Variants in CBL observed in about 807,000 individuals in gnomAD.
The protein encoded by CBL is Cbl proto-oncogene.
CBL carries 45 observed loss-of-function variants against 96.9 expected under a neutral mutation model. That is an observed-to-expected ratio of 0.46 (90% CI 0.37 to 0.60). CBL has a LOEUF of 0.60. Among genes scored for constraint, CBL ranks in the 20% least tolerant of loss-of-function variants. The pLI is 0.00. For missense variants in CBL, 1,024 were observed against 1,143.5 expected (o/e 0.90, Z 1.51); for synonymous variants, 420 against 426.8 (o/e 0.98, Z 0.20).
chr11:119,232,269 CA>C (rs1949508769), intron 1 of CBL, among the ~76,000 whole-genome samples, 178 bp from the exon 2 acceptor site: 1 of 152,074 alleles, frequency 6.6e-6, no homozygotes, highest in South Asian at 2.1e-4. Flanking sequence ...TCTGGGGGAC[CA>C]CTAAAAATTT....
chr11:119,236,793 A>G (rs186525503), intron 2 of CBL, among the ~76,000 whole-genome samples: 6 of 152,136 alleles, frequency 3.9e-5, no homozygotes, highest in East Asian at 1.9e-4. Context: ...CAGCTATTCT[A>G]CTAGGGGTAA....
At chr11:119,281,134 G>A (rs562643674) in intron 9 of CBL, among the ~76,000 whole-genome samples, 65 of 152,166 alleles carry the variant, frequency 4.3e-4, no homozygotes, top group African/African-American at 1.4e-3. Context: ...TCTGTGTTCC[G>A]CTCCAGTCTG....
chr11:119,237,335 T>C (rs1949553572), intron 2 of CBL, among the ~76,000 whole-genome samples: 2 of 152,224 alleles, frequency 1.3e-5, no homozygotes, highest in African/African-American at 4.8e-5. Context: ...GATACATGAT[T>C]TGCAAAACTT....
chr11:119,276,189 A>C (rs1252164405), intron 6 of CBL, 55 bp downstream of exon 6: 22 of 1,545,286 alleles, frequency 1.4e-5, no homozygotes, highest in Non-Finnish European at 2.0e-5. Context: ...GGGCTGTCCA[A>C]CCTCATCATT....
chr11:119,209,602 G>A (rs1342736950), intron 1 of CBL, among the ~76,000 whole-genome samples: 2 of 151,508 alleles, frequency 1.3e-5, no homozygotes, highest in East Asian at 3.9e-4. Flanking sequence ...GAGCGACAGA[G>A]TGAGACTCCG....
chr11:119,287,277 G>A (rs1033643505), intron 11 of CBL, among the ~76,000 whole-genome samples: 14 of 152,336 alleles, frequency 9.2e-5, no homozygotes, highest in Non-Finnish European at 1.5e-4. Flanking sequence ...CACTGCATGC[G>A]CGTAAAAACG....
At chr11:119,293,455 T>C (rs1218904704) in intron 12 of CBL, among the ~76,000 whole-genome samples, 1 of 152,100 alleles carries the variant, frequency 6.6e-6, no homozygotes, top group Non-Finnish European at 1.5e-5. Context: ...TTAATGGCCA[T>C]ACGTAACTCC....
chr11:119,219,837 C>T (rs1289874658), intron 1 of CBL, among the ~76,000 whole-genome samples: 4 of 146,902 alleles, frequency 2.7e-5, no homozygotes, highest in African/African-American at 5.1e-5. Context: ...GTGGGCACCA[C>T]CACGCCCGAC....
chr11:119,279,400 ACTC>A (rs1305867807), intron 9 of CBL, among the ~76,000 whole-genome samples: 2 of 151,462 alleles, frequency 1.3e-5, no homozygotes, highest in East Asian at 3.9e-4. Flanking sequence ...AGTTCTAACT[ACTC>A]TGGAGGCCAA....
chr11:119,300,003 T>G lies in CBL; in HGVS notation c.*222T>G, dbSNP rs1950090956. The G allele has an allele frequency of 6.5e-6, 4 of 613,136 alleles. 1 individual carries two copies. The Admixed American group carries it at 1.1e-4, about 17-fold the overall frequency. 38.0% of individuals were successfully genotyped at this position (613,136 alleles called of 1,614,324 possible). A position where few individuals can be genotyped will look rare whatever the true frequency, so the allele number is the denominator to read the frequency against. ...TGGGTCTTGAGTGCATTTGAAGGTGTCCTTCAGTTCCCACGTAGAGAGAGT... is the reference window on the plus strand; with the variant it reads ...TGGGTCTTGAGTGCATTTGAAGGTGGCCTTCAGTTCCCACGTAGAGAGAGT... On this transcript the variant is annotated 3_prime_UTR_variant, in exon 16 of 16. Transcript: ENST00000264033.
Position 119,298,390 on chromosome 11 carries a change from A to G in CBL, c.2284A>G (p.Thr762Ala). Reference protein sequence around the residue: ...EGNLAAAHANTGPEESENEDD... With the variant: ...EGNLAAAHANAGPEESENEDD... The stretch of plus-strand genomic sequence containing the variant: ...GAATTTGGCCGCAGCCCATGCCAAC[A>G]CTGGTCCCGAGGAGTCAGAAAATGA... Residue 762 changes from threonine (T) to alanine (A), a missense_variant, in exon 15 of 16, where the codon ACT (threonine) becomes GCT (alanine). Thr to Ala is a moderately conservative substitution (Grantham distance 58). This residue lies in a region of CBL where 695 missense variants were observed against 661.6 expected (regional missense o/e 1.05). Coordinates refer to ENST00000264033, the MANE Select transcript of CBL (RefSeq NM_005188.4). 2 of 1,614,206 alleles carry G rather than the reference A, an allele frequency of 1.2e-6. No individual in the cohort carries two copies. Among genetic ancestry groups the G allele is most frequent in the Non-Finnish European group, 8.5e-7 (1 of 1,180,044 alleles).
chr11:119,223,297 G>A (rs1949425988), intron 1 of CBL, among the ~76,000 whole-genome samples: 1 of 147,942 alleles, frequency 6.8e-6, no homozygotes, highest in Non-Finnish European at 1.5e-5. Context: ...CTTTCAAAGT[G>A]CTGGGATTAC....
In CBL at chr11:119,227,546, T is replaced by G. The variant is rs775724139; in HGVS notation, c.196-4902T>G. 3.6e-4 allele frequency among the ~76,000 whole-genome samples: 55 copies of G among 151,918 alleles called. 1 individual carries two copies. Among genetic ancestry groups the G allele is most frequent in the African/African-American group, 1.3e-3 (52 of 41,380 alleles). ...TATTTTAATTCTATAGTGAACCTTA[T>G]AATTTTCTTTTTTTTTTTTTTATGA... On this transcript the variant is annotated intron_variant, in intron 1 of 15. Transcript: ENST00000264033.
chr11:119,299,612 C>A lies in CBL; in HGVS notation c.2552C>A (p.Ala851Asp). The A allele has an allele frequency of 6.2e-7, 1 of 1,614,212 alleles. No homozygotes were observed. The highest frequency in any genetic ancestry group is 8.5e-7 in the Non-Finnish European group (1 of 1,180,032). The change falls in exon 16 of 16, where the codon GCC becomes GAC. Residue 851 changes from alanine (A) to aspartate (D), a missense_variant. Physicochemically the swap from Ala to Asp is moderately radical, Grantham distance 126. Around this residue, in one of 4 missense-constraint regions of CBL, gnomAD observed 695 missense variants for 661.6 expected, o/e 1.05. Transcript: ENST00000264033. ...QQGSGPAASA[A>D]TASPQLSSEI... ...GGTAGTGGTCCTGCCGCCTCTGCTG[C>A]CACCGCCTCACCTCAGCTCTCCAGT...
intron 12 of CBL, among the ~76,000 whole-genome samples, chr11:119,288,426 T>C (rs1950000897): frequency 6.6e-6 from 1 of 152,164 alleles, no homozygotes; most frequent in Non-Finnish European, 1.5e-5. Context: ...AGGGCTCTCT[T>C]CCTGCATCTC....
intron 3 of CBL, among the ~76,000 whole-genome samples, 170 bp from the exon 4 acceptor site, chr11:119,273,698 C>G (rs982939931): frequency 3.3e-5 from 5 of 152,190 alleles, no homozygotes; most frequent in Admixed American, 1.3e-4. Flanking sequence ...CACCATGGCT[C>G]CTGGTCCCCT....
chr11:119,267,984 A>G (rs1949816636), intron 2 of CBL, among the ~76,000 whole-genome samples: 1 of 152,232 alleles, frequency 6.6e-6, no homozygotes, highest in African/African-American at 2.4e-5. Context: ...AGACCAGAGA[A>G]ACAGGCAAAG....
intron 1 of CBL, among the ~76,000 whole-genome samples, chr11:119,230,473 C>T (rs1188600395): frequency 3.3e-5 from 5 of 152,110 alleles, no homozygotes; most frequent in South Asian, 2.1e-4. Flanking sequence ...GAAATAAAAA[C>T]GAGAATGTCA....
At chr11:119,292,364 T>C (rs936488527) in intron 12 of CBL, among the ~76,000 whole-genome samples, 5 of 148,054 alleles carry the variant, frequency 3.4e-5, no homozygotes, top group African/African-American at 1.3e-4. Context: ...AGAGCTCTTA[T>C]GCTGATGTCT....
Sources: gnomAD v4.1 joint callset for allele counts (sites outside exome capture counted in the v4.1 genomes callset) on GRCh38, gnomAD v4.1.1 for gene constraint, gnomAD v4.1.1 regional missense constraint, MANE v1.5 for transcripts, NCBI Gene and HGNC (gene_info 2026-07-23, HGNC 2026-07-21) for gene names.